Variants in EPHB1 observed in about 807,000 individuals in gnomAD.
EPHB1 encodes the protein EPH receptor B1.
In EPHB1, 30 loss-of-function variants were observed where a neutral mutation model predicts 94.4. The observed-to-expected ratio is 0.32, with a 90% CI of 0.24 to 0.43. EPHB1 has a LOEUF of 0.43. Among genes scored for constraint, EPHB1 ranks in the 20% least tolerant of loss-of-function variants. The probability of loss-of-function intolerance (pLI) is 1.00; values close to 1 mark genes in which losing one functional copy is unlikely to be tolerated. For missense variants in EPHB1, 1,055 were observed against 1,308.3 expected, an observed-to-expected ratio of 0.81 and a Z score of 2.99; for synonymous variants, 522 against 489.1, an observed-to-expected ratio of 1.07 and a Z score of -0.89.
intron 1 of EPHB1, among the ~76,000 whole-genome samples, chr3:134,914,745 T>C (rs1341241117): frequency 2.0e-5 from 3 of 152,122 alleles, no homozygotes. Context: ...GCAACAAGAA[T>C]GACAAAGCAC....
chr3:135,249,702 A>G (rs937122515), intron 15 of EPHB1, among the ~76,000 whole-genome samples: 1 of 152,210 alleles, frequency 6.6e-6, no homozygotes, highest in Non-Finnish European at 1.5e-5. Flanking sequence ...CCCAAATGAG[A>G]GTTCTTCAAA....
intron 3 of EPHB1, among the ~76,000 whole-genome samples, chr3:135,007,409 T>C (rs1276473773): frequency 6.6e-6 from 1 of 152,200 alleles, no homozygotes. Flanking sequence ...CTTAGGCCAA[T>C]TACCTGCAAA....
chr3:135,176,334 A>G (rs1022197048), intron 9 of EPHB1, among the ~76,000 whole-genome samples: 1 of 152,210 alleles, frequency 6.6e-6, no homozygotes, highest in African/African-American at 2.4e-5. Context: ...CCCTTCTTCA[A>G]TGTGACAATG....
At chr3:135,015,061 A>AT (rs768826436) in intron 3 of EPHB1, among the ~76,000 whole-genome samples, 18 of 151,992 alleles carry the variant, frequency 1.2e-4, no homozygotes, top group Non-Finnish European at 2.1e-4. Flanking sequence ...CGTGTATGGC[A>AT]CCCCAGCCTC....
At chr3:135,101,476 C>T (rs1187620361) in intron 3 of EPHB1, among the ~76,000 whole-genome samples, 1 of 151,960 alleles carries the variant, frequency 6.6e-6, no homozygotes, top group African/African-American at 2.4e-5. Flanking sequence ...TGGGTTCAAG[C>T]GATTCTCCTG....
At chr3:135,056,746 G>T (rs780852794) in intron 3 of EPHB1, among the ~76,000 whole-genome samples, 7 of 152,212 alleles carry the variant, frequency 4.6e-5, no homozygotes, top group Non-Finnish European at 1.0e-4. Context: ...GGGTTTCTTG[G>T]AGCCCTCGCA....
chr3:134,809,322 T>C (rs2036123275), intron 1 of EPHB1, among the ~76,000 whole-genome samples: 1 of 152,112 alleles, frequency 6.6e-6, no homozygotes. Context: ...ACTTCCCTGC[T>C]CTTGGCTCCA....
chr3:134,968,496 G>A (rs1010852640), intron 3 of EPHB1, among the ~76,000 whole-genome samples: 3 of 151,992 alleles, frequency 2.0e-5, no homozygotes, highest in African/African-American at 7.3e-5. Flanking sequence ...AATAGCTATG[G>A]GTTTGTCCAG....
chr3:134,901,345 G>A (rs368787609), intron 1 of EPHB1, among the ~76,000 whole-genome samples: 4 of 152,218 alleles, frequency 2.6e-5, no homozygotes, highest in East Asian at 3.9e-4. Context: ...AGGCTCCTTC[G>A]CCCTTCTTAT....
At chr3:135,239,373 G>C (rs943426364) in intron 12 of EPHB1, among the ~76,000 whole-genome samples, 5 of 151,960 alleles carry the variant, frequency 3.3e-5, no homozygotes, top group African/African-American at 1.2e-4. Flanking sequence ...TTGGTGACTT[G>C]AGCAGATTGT....
chr3:135,060,810 A>G (rs148258379), intron 3 of EPHB1, among the ~76,000 whole-genome samples: 261 of 152,126 alleles, frequency 1.7e-3, no homozygotes, highest in African/African-American at 6.2e-3. Context: ...ACACTGTTTT[A>G]GTTATTTTTA....
intron 9 of EPHB1, among the ~76,000 whole-genome samples, chr3:135,168,801 T>C (rs1390174274): frequency 6.6e-6 from 1 of 152,092 alleles, no homozygotes; most frequent in Non-Finnish European, 1.5e-5. Flanking sequence ...CATTTAGAGG[T>C]GGTCATGTCA....
intron 7 of EPHB1, 110 bp from the exon 8 acceptor site, chr3:135,165,858 T>G (rs1023693914): frequency 1.4e-6 from 1 of 711,102 alleles, no homozygotes; most frequent in African/African-American, 1.7e-5. Context: ...ACATAGAAAC[T>G]ATCCTCTACA....
At chr3:135,204,882 T>C (rs1467781295) in intron 12 of EPHB1, among the ~76,000 whole-genome samples, 1 of 17,042 alleles carries the variant, frequency 5.9e-5, no homozygotes, top group South Asian at 2.1e-3. Context: ...GGTTTTATTC[T>C]TTTTTTTTTT....
chr3:134,970,698 G>T (rs1046366281), intron 3 of EPHB1, among the ~76,000 whole-genome samples: 1 of 152,136 alleles, frequency 6.6e-6, no homozygotes, highest in African/African-American at 2.4e-5. Context: ...TAGGCCACAC[G>T]GCTGCAGAGG....
chr3:135,102,394 CA>C (rs1289948764), intron 3 of EPHB1, among the ~76,000 whole-genome samples: 3 of 152,136 alleles, frequency 2.0e-5, no homozygotes, highest in African/African-American at 7.2e-5. Context: ...CTTTATTTAT[CA>C]ACCCAAGTTA....
intron 5 of EPHB1, among the ~76,000 whole-genome samples, chr3:135,149,572 G>T (rs1447693826): frequency 1.3e-5 from 2 of 152,322 alleles, no homozygotes; most frequent in East Asian, 3.9e-4. Flanking sequence ...AGATCAAGAG[G>T]TGACATTTGC....
At chr3:135,100,497 C>T (rs976882894) in intron 3 of EPHB1, among the ~76,000 whole-genome samples, 1 of 152,166 alleles carries the variant, frequency 6.6e-6, no homozygotes, top group African/African-American at 2.4e-5. Context: ...TTCCCTCTTG[C>T]TTCTATTAAT....
chr3:135,056,972 G>T (rs1937367314), intron 3 of EPHB1, among the ~76,000 whole-genome samples: 3 of 152,186 alleles, frequency 2.0e-5, no homozygotes, highest in Admixed American at 1.3e-4. Context: ...TAGAATGAAA[G>T]GACATCTGTT....
Sources: gnomAD v4.1 joint callset for allele counts (sites outside exome capture counted in the v4.1 genomes callset) on GRCh38, gnomAD v4.1.1 for gene constraint, MANE v1.5 for transcripts, NCBI Gene and HGNC (gene_info 2026-07-23, HGNC 2026-07-21) for gene names.